The following CHN2 variants were observed in gnomAD, a reference collection of about 807,000 sequenced individuals.
CHN2 encodes beta-chimaerin.
Under a neutral mutation model 56.3 loss-of-function variants are expected in CHN2, and 35 were observed. The ratio of observed to expected loss-of-function variants is 0.62; its 90% CI spans 0.47 to 0.82. CHN2 has a LOEUF of 0.82. CHN2 is among the 40% of genes least tolerant of loss of function. The pLI is 0.00. For missense variants in CHN2, 491 were observed against 580.5 expected (o/e 0.85, Z 1.58); for synonymous variants, 210 against 212.8 (o/e 0.99, Z 0.12).
chr7:29,490,324 C>T (rs909817790), intron 7 of CHN2, among the ~76,000 whole-genome samples: 1 of 152,170 alleles, frequency 6.6e-6, no homozygotes, highest in Admixed American at 6.5e-5. Flanking sequence ...AGTTCAATAT[C>T]CCCTTCCGCA....
intron 2 of CHN2, among the ~76,000 whole-genome samples, chr7:29,158,813 A>C (rs530198326): frequency 6.6e-6 from 1 of 152,326 alleles, no homozygotes; most frequent in African/African-American, 2.4e-5. Context: ...TTAAATATTT[A>C]CAGATGCTTA....
At chr7:29,494,529 G>T (rs73684715) in intron 7 of CHN2, among the ~76,000 whole-genome samples, 2,087 of 152,028 alleles carry the variant, frequency 0.014, 38 homozygotes, top group African/African-American at 0.042. Flanking sequence ...AGTCCTTCTG[G>T]GATGAATTCT....
intron 2 of CHN2, among the ~76,000 whole-genome samples, chr7:29,366,812 A>G (rs1799201989): frequency 6.6e-6 from 1 of 152,214 alleles, no homozygotes; most frequent in Non-Finnish European, 1.5e-5. Flanking sequence ...CTAATTAGGT[A>G]AGAAAATAAC....
rs372068889 is a variant in CHN2, at chr7:29,379,893, C to T, written c.144+11906C>T. Reference sequence around the variant, plus strand: ...CAAGCATTAATAAGGCACTTCTACTCTTTTATTTATTACCATGTTGGGAAT... The same window carrying T: ...CAAGCATTAATAAGGCACTTCTACTTTTTTATTTATTACCATGTTGGGAAT... On this transcript the variant is annotated intron_variant, in intron 3 of 12. Transcript: ENST00000222792. Among the ~76,000 whole-genome samples the T allele has an allele frequency of 4.6e-5, 7 of 152,246 alleles. No individual in the cohort carries two copies. In the East Asian group the frequency reaches 9.7e-4, roughly 21 times the overall value.
intron 1 of CHN2, among the ~76,000 whole-genome samples, chr7:29,290,664 C>T (rs1792527351): frequency 6.6e-6 from 1 of 152,084 alleles, no homozygotes; most frequent in Admixed American, 6.5e-5. Context: ...TATTTATGGA[C>T]AAATTAGAAC....
intron 1 of CHN2, among the ~76,000 whole-genome samples, chr7:29,211,116 G>A (rs1784902664): frequency 6.6e-6 from 1 of 151,828 alleles, no homozygotes; most frequent in African/African-American, 2.4e-5. Context: ...TATCGCCCAG[G>A]CTGGAGTGCA....
chr7:29,158,497 A>C (rs6462129), intron 2 of CHN2, among the ~76,000 whole-genome samples: 9,839 of 151,988 alleles, frequency 0.065, 1,042 homozygotes, highest in African/African-American at 0.22. Context: ...AGAATGGCTC[A>C]CTTTATTTTA....
rs148737539 is a variant in CHN2, at chr7:29,357,449, G to A, written c.88+2786G>A. Among the ~76,000 whole-genome samples the A allele has an allele frequency of 3.6e-3, 546 of 152,226 alleles. 3 individuals carry two copies. Among genetic ancestry groups the A allele is most frequent in the African/African-American group, 0.012 (501 of 41,540 alleles). Reference sequence around the variant, plus strand: ...GGTGTTAGACCACGTATGAATTATCGAGCTCATGCTACTCCATCTTATTTC... The same window carrying A: ...GGTGTTAGACCACGTATGAATTATCAAGCTCATGCTACTCCATCTTATTTC... On this transcript the variant is annotated intron_variant, in intron 2 of 12. Transcript: ENST00000222792.
intron 2 of CHN2, among the ~76,000 whole-genome samples, chr7:29,355,444 T>A (rs982922202): frequency 3.9e-5 from 6 of 152,146 alleles, no homozygotes; most frequent in Non-Finnish European, 7.4e-5. Context: ...TAGAAACAGA[T>A]CCTGCCTGAT....
Position 29,392,815 on chromosome 7 carries a change from G to A in CHN2, c.145-864G>A, listed in dbSNP as rs145140745. On this transcript the variant is annotated intron_variant, in intron 3 of 12. Transcript: ENST00000222792. ...TGACTGTGAATAAAACAGCTGCCAA[G>A]CTCGTATCCTACAACAGTGAATAAA... is the stretch of plus-strand genomic sequence containing the variant. Among the ~76,000 whole-genome samples the A allele has an allele frequency of 3.7e-4, 56 of 152,286 alleles. No individual in the cohort carries two copies. The East Asian group carries it at 9.4e-3, about 26-fold the overall frequency.
At position 29,484,038 on chromosome 7, in the gene CHN2, G is replaced by T. The variant is rs540055354; in HGVS notation, c.654+3682G>T. The T allele has an allele frequency of 2.2e-4, 110 of 506,190 alleles. 1 individual carries two copies. Among genetic ancestry groups the T allele is most frequent in the African/African-American group, 1.9e-3 (96 of 50,162 alleles). 31.4% of individuals were successfully genotyped at this position (506,190 alleles called of 1,614,324 possible). A position where few individuals can be genotyped will look rare whatever the true frequency, so the allele number is the denominator to read the frequency against. On this transcript the variant is annotated intron_variant, in intron 7 of 12. Coordinates refer to ENST00000222792, the MANE Select transcript of CHN2 (RefSeq NM_004067.4). ...TTTTGTGCCTCTCACTTGTATTTTT[G>T]TATCTAGCTTTTTCAGTCTTTTATT...
At chr7:29,332,382 C>G (rs1796292510) in intron 1 of CHN2, among the ~76,000 whole-genome samples, 1 of 152,218 alleles carries the variant, frequency 6.6e-6, no homozygotes, top group South Asian at 2.1e-4. Context: ...GCTGCTAATA[C>G]AGACAATCCC....
intron 6 of CHN2, among the ~76,000 whole-genome samples, chr7:29,472,272 T>TACAC (rs113034467): frequency 0.3 from 34,141 of 112,142 alleles, 4,373 homozygotes; most frequent in East Asian, 0.61. Context: ...CAAAACAAAA[T>TACAC]ACACACACAC....
rs547297826 is a variant in CHN2, at chr7:29,233,012, TA to T, written c.49+38023del. On this transcript the variant is annotated intron_variant, in intron 1 of 12. Transcript: ENST00000222792. Reference sequence around the variant, plus strand: ...TTTACATTATTTCAACGATTTATATTACTTTTGTTTACTTAATTAAAGCCCC... The same window carrying T: ...TTTACATTATTTCAACGATTTATATTCTTTTGTTTACTTAATTAAAGCCCC... Among the ~76,000 whole-genome samples, 13 of 152,330 alleles carry T rather than the reference TA, an allele frequency of 8.5e-5. No individual in the cohort carries two copies. The East Asian group carries it at 2.5e-3, about 29-fold the overall frequency.
At chr7:29,205,789 C>G (rs1562829621) in intron 1 of CHN2, among the ~76,000 whole-genome samples, 1 of 152,104 alleles carries the variant, frequency 6.6e-6, no homozygotes, top group East Asian at 1.9e-4. Flanking sequence ...TTTATACTTT[C>G]CCATCTAGAG....
At chr7:29,235,387 A>G (rs530833409) in intron 1 of CHN2, among the ~76,000 whole-genome samples, 1 of 152,316 alleles carries the variant, frequency 6.6e-6, no homozygotes, top group South Asian at 2.1e-4. Context: ...AAAAAACGAG[A>G]TGCTTGTGAG....
At chr7:29,188,222 A>G (rs1562816339) in intron 2 of CHN2, among the ~76,000 whole-genome samples, 1 of 152,240 alleles carries the variant, frequency 6.6e-6, no homozygotes, top group Non-Finnish European at 1.5e-5. Context: ...TATTACATCT[A>G]TCACTTCATT....
intron 6 of CHN2, among the ~76,000 whole-genome samples, chr7:29,425,106 G>A (rs1804726172): frequency 6.6e-6 from 1 of 152,238 alleles, no homozygotes; most frequent in African/African-American, 2.4e-5. Context: ...ACAGCCATTG[G>A]TGTTGATTGA....
chr7:29,283,800 G>C (rs930481233), intron 1 of CHN2, among the ~76,000 whole-genome samples: 2 of 151,494 alleles, frequency 1.3e-5, no homozygotes, highest in African/African-American at 4.9e-5. Context: ...TGTATTTTTA[G>C]TAGAGATGGG....
Sources: gnomAD v4.1 joint callset for allele counts (sites outside exome capture counted in the v4.1 genomes callset) on GRCh38, gnomAD v4.1.1 for gene constraint, MANE v1.5 for transcripts, NCBI Gene and HGNC (gene_info 2026-07-23, HGNC 2026-07-21) for gene names.